CIROP: variants seen among roughly 807,000 people sequenced by gnomAD.
CIROP encodes leishmanolysin homolog.
chr14:23,103,945 G>T, the CIROP span: 3 of 596,778 alleles, frequency 5.0e-6, no homozygotes, highest in Non-Finnish European at 9.0e-6. Flanking sequence ...CTAGAATAGA[G>T]TTCTGCCCCT....
At chr14:23,101,613 A>G in the CIROP span, 1 of 702,566 alleles carries the variant, frequency 1.4e-6, no homozygotes, top group Admixed American at 2.0e-5. Context: ...ATGCCTTTGA[A>G]GTTGACTGCC....
the CIROP span, chr14:23,103,818 T>C: frequency 1.4e-6 from 1 of 702,294 alleles, no homozygotes; most frequent in Middle Eastern, 2.3e-4. Flanking sequence ...GTGTCAGGAA[T>C]CTGGCAGGGA....
the CIROP span, chr14:23,103,042 T>G: frequency 1.8e-6 from 1 of 558,294 alleles, no homozygotes; most frequent in Non-Finnish European, 3.2e-6. Context: ...GCATAGGCTA[T>G]GACAGAGGGC....
At chr14:23,104,939 C>T in the CIROP span, 70 of 678,748 alleles carry the variant, frequency 1.0e-4, no homozygotes, top group Middle Eastern at 1.8e-3. Flanking sequence ...TGTGTCTCTC[C>T]GTAGATACAG....
chr14:23,099,142 G>A, the CIROP span: 5 of 410,290 alleles, frequency 1.2e-5, no homozygotes, highest in Middle Eastern at 1.3e-3. Context: ...TTTTTTCATT[G>A]CCAGGCTATA....
At chr14:23,101,554 C>T in the CIROP span, 6 of 667,576 alleles carry the variant, frequency 9.0e-6, no homozygotes, top group Middle Eastern at 4.8e-4. Flanking sequence ...TTCCTTCTTC[C>T]AGCATTCACT....
chr14:23,102,328 G>T, the CIROP span: 1 of 702,164 alleles, frequency 1.4e-6, no homozygotes, highest in Non-Finnish European at 2.6e-6. Context: ...TCACCCCAAG[G>T]TGTTCTCATT....
the CIROP span, chr14:23,104,932 G>C: frequency 2.9e-6 from 2 of 683,688 alleles, no homozygotes; most frequent in Non-Finnish European, 5.3e-6. Context: ...TCCCTTCTGT[G>C]TCTCTCCGTA....
chr14:23,099,817 C>T, the CIROP span: 14 of 193,900 alleles, frequency 7.2e-5, no homozygotes, highest in Non-Finnish European at 2.3e-5. Flanking sequence ...GAGGGACTAT[C>T]GAACCTTAAA....
chr14:23,100,712 A>T, the CIROP span: 3 of 398,982 alleles, frequency 7.5e-6, no homozygotes, highest in East Asian at 1.1e-4. Context: ...TTTAATAGAG[A>T]TATAGTTCCT....
chr14:23,104,943 G>T, the CIROP span: 1 of 675,466 alleles, frequency 1.5e-6, no homozygotes, highest in Non-Finnish European at 2.7e-6. Flanking sequence ...TCTCTCCGTA[G>T]ATACAGCCTG....
the CIROP span, chr14:23,104,800 G>A: frequency 1.4e-6 from 1 of 703,050 alleles, no homozygotes; most frequent in Non-Finnish European, 2.6e-6. Context: ...GAGGGGAGTT[G>A]GGAGAAAGGG....
chr14:23,103,593 T>C, the CIROP span: 4 of 317,132 alleles, frequency 1.3e-5, no homozygotes, highest in African/African-American at 7.3e-5. Flanking sequence ...AAAACAAAAC[T>C]GCTTTTATGC....
the CIROP span, chr14:23,101,429 G>A: frequency 1.7e-6 from 1 of 594,742 alleles, no homozygotes; most frequent in African/African-American, 1.9e-5. Context: ...GTAAGAGAAG[G>A]ATGCCTGGGC....
chr14:23,102,129 G>T, the CIROP span: 4 of 703,010 alleles, frequency 5.7e-6, no homozygotes, highest in East Asian at 1.1e-4. Flanking sequence ...CGCTGTGGTT[G>T]ACCTGGTACC....
At chr14:23,103,921 A>T in the CIROP span, 1 of 610,404 alleles carries the variant, frequency 1.6e-6, no homozygotes, top group Non-Finnish European at 2.9e-6. Context: ...TCTTTGTGTT[A>T]TCTAGGCAGC....
At chr14:23,101,704 C>T in the CIROP span, 1 of 703,006 alleles carries the variant, frequency 1.4e-6, no homozygotes, top group South Asian at 1.5e-5. Context: ...CGGCAGCCTT[C>T]CAGCATGGGG....
At chr14:23,102,344 CTCT>C in the CIROP span, 1 of 701,918 alleles carries the variant, frequency 1.4e-6, no homozygotes, top group South Asian at 1.5e-5. Context: ...TCATTCTCAC[CTCT>C]TCTTCCAAGG....
the CIROP span, chr14:23,100,839 C>A: frequency 2.5e-6 from 1 of 399,020 alleles, no homozygotes; most frequent in South Asian, 1.3e-4. Flanking sequence ...TATAAATACT[C>A]AAGCTTTTAC....
Sources: allele counts gnomAD v4.1 joint callset, GRCh38; gene constraint gnomAD v4.1.1; transcripts MANE v1.5; gene names NCBI Gene and HGNC (gene_info 2026-07-23, HGNC 2026-07-21).